Variants in PDZRN4 observed in about 807,000 individuals in gnomAD.
PDZRN4 encodes the protein PDZ domain-containing RING finger protein 4.
PDZRN4 carries 70 observed loss-of-function variants against 99.0 expected under a neutral mutation model. The ratio of observed to expected loss-of-function variants is 0.71; its 90% CI spans 0.58 to 0.86. The LOEUF (loss-of-function observed/expected upper bound fraction) is 0.86, where lower values mean the gene tolerates loss of function less well. Among genes scored for constraint, PDZRN4 ranks in the 40% least tolerant of loss-of-function variants. The probability of loss-of-function intolerance (pLI) is 0.00; values close to 1 mark genes in which losing one functional copy is unlikely to be tolerated. For missense variants in PDZRN4, 1,474 were observed against 1,331.2 expected (o/e 1.11, Z -1.67); for synonymous variants, 551 against 501.6 (o/e 1.10, Z -1.32).
intron 5 of PDZRN4, among the ~76,000 whole-genome samples, chr12:41,548,769 A>T (rs1303274961): frequency 6.6e-6 from 1 of 152,036 alleles, no homozygotes; most frequent in Non-Finnish European, 1.5e-5. Context: ...TAAGTTTCTC[A>T]TTTCTCCCTA....
intron 3 of PDZRN4, among the ~76,000 whole-genome samples, chr12:41,478,386 A>G (rs2199028): frequency 0.54 from 81,811 of 151,928 alleles, 22,876 homozygotes; most frequent in African/African-American, 0.71. Flanking sequence ...AAAGTGCTGG[A>G]ATTACAAGCA....
At chr12:41,327,453 GTATGCACCT>G (rs1468107741) in intron 3 of PDZRN4, among the ~76,000 whole-genome samples, 1 of 152,206 alleles carries the variant, frequency 6.6e-6, no homozygotes, top group Non-Finnish European at 1.5e-5. Context: ...CACTGCTAGA[GTATGCACCT>G]TGATTTCTGC....
At chr12:41,462,266 G>A (rs1056521461) in intron 3 of PDZRN4, among the ~76,000 whole-genome samples, 5 of 152,122 alleles carry the variant, frequency 3.3e-5, no homozygotes, top group Non-Finnish European at 7.4e-5. Context: ...TTTGTGGAAC[G>A]AAATTGTTAA....
At chr12:41,222,473 T>C (rs1340959519) in intron 3 of PDZRN4, among the ~76,000 whole-genome samples, 5 of 152,134 alleles carry the variant, frequency 3.3e-5, no homozygotes, top group African/African-American at 1.2e-4. Context: ...CTAAATTTCA[T>C]GAGGTTTCTC....
intron 3 of PDZRN4, among the ~76,000 whole-genome samples, chr12:41,384,279 G>A (rs775185230): frequency 2.0e-5 from 3 of 151,838 alleles, no homozygotes; most frequent in Non-Finnish European, 4.4e-5. Context: ...TTTTTTAAAG[G>A]CTATTTCTTC....
chr12:41,407,413 C>T (rs1952357919), intron 3 of PDZRN4, among the ~76,000 whole-genome samples: 1 of 152,148 alleles, frequency 6.6e-6, no homozygotes, highest in Non-Finnish European at 1.5e-5. Context: ...ACCATGGCAA[C>T]CCTGGCTGGA....
At chr12:41,561,293 C>T (rs1939264688) in intron 7 of PDZRN4, among the ~76,000 whole-genome samples, 1 of 152,006 alleles carries the variant, frequency 6.6e-6, no homozygotes, top group African/African-American at 2.4e-5. Flanking sequence ...CTTGTCTTTA[C>T]TAAGGATTAA....
chr12:41,262,027 G>A (rs1951243942), intron 3 of PDZRN4, among the ~76,000 whole-genome samples: 1 of 152,098 alleles, frequency 6.6e-6, no homozygotes, highest in African/African-American at 2.4e-5. Context: ...TTAAACTCTG[G>A]ACATTTGTCC....
At chr12:41,473,953 G>A (rs1354890972) in intron 3 of PDZRN4, among the ~76,000 whole-genome samples, 1 of 152,208 alleles carries the variant, frequency 6.6e-6, no homozygotes, top group Non-Finnish European at 1.5e-5. Context: ...GCCTTGAATG[G>A]AGATTTGAAC....
At chr12:41,440,740 T>G (rs1308195248) in intron 3 of PDZRN4, among the ~76,000 whole-genome samples, 2 of 152,192 alleles carry the variant, frequency 1.3e-5, no homozygotes, top group East Asian at 3.8e-4. Context: ...GCGGTTTCCA[T>G]GCATCTTTAT....
At chr12:41,538,856 T>C (rs1478464204) in intron 5 of PDZRN4, among the ~76,000 whole-genome samples, 2 of 152,022 alleles carry the variant, frequency 1.3e-5, no homozygotes, top group Non-Finnish European at 2.9e-5. Context: ...AATTATACTA[T>C]CTAGAATGAA....
At chr12:41,512,781 T>C (rs1225829555) in intron 5 of PDZRN4, among the ~76,000 whole-genome samples, 1 of 151,954 alleles carries the variant, frequency 6.6e-6, no homozygotes, top group Non-Finnish European at 1.5e-5. Context: ...TATGACATAA[T>C]CTAGGACAGC....
At position 41,427,046 on chromosome 12, in the gene PDZRN4, A is replaced by G. The variant is rs74078829; in HGVS notation, c.844-79410A>G. Reference sequence around the variant, plus strand: ...AAAGTATGGTGAATAGGAAGTTCTCAGCAAACATTTGCAGAACTTGGATGG... The same window carrying G: ...AAAGTATGGTGAATAGGAAGTTCTCGGCAAACATTTGCAGAACTTGGATGG... On this transcript the variant is annotated intron_variant, in intron 3 of 9. Coordinates refer to ENST00000402685, the MANE Select transcript of PDZRN4 (RefSeq NM_001164595.2). Among the ~76,000 whole-genome samples, 599 of 152,312 alleles carry G rather than the reference A, an allele frequency of 3.9e-3. 2 individuals carry two copies. Among genetic ancestry groups the G allele is most frequent in the African/African-American group, 0.014 (581 of 41,568 alleles).
chr12:41,225,385 G>A (rs989777941), intron 3 of PDZRN4, among the ~76,000 whole-genome samples: 2 of 150,708 alleles, frequency 1.3e-5, no homozygotes, highest in African/African-American at 2.4e-5. Context: ...ATGATGTAAT[G>A]TATTTTATCA....
intron 3 of PDZRN4, among the ~76,000 whole-genome samples, chr12:41,208,149 T>G (rs1950863666): frequency 6.6e-6 from 1 of 151,934 alleles, no homozygotes; most frequent in South Asian, 2.1e-4. Context: ...CTACTGCTTC[T>G]ATTCCCAGGA....
intron 3 of PDZRN4, among the ~76,000 whole-genome samples, chr12:41,223,765 G>C (rs1167187387): frequency 1.3e-5 from 2 of 152,154 alleles, no homozygotes; most frequent in Admixed American, 1.3e-4. Context: ...TTTTCTCTGT[G>C]GAATGGCACT....
At chr12:41,397,362 T>C (rs910549729) in intron 3 of PDZRN4, among the ~76,000 whole-genome samples, 3 of 152,210 alleles carry the variant, frequency 2.0e-5, no homozygotes, top group Non-Finnish European at 4.4e-5. Flanking sequence ...AACAAAGGAT[T>C]CTTGCTTTGC....
At chr12:41,226,060 G>A (rs145200305) in intron 3 of PDZRN4, among the ~76,000 whole-genome samples, 280 of 151,970 alleles carry the variant, frequency 1.8e-3, no homozygotes, top group Non-Finnish European at 2.9e-3. Flanking sequence ...GTCTTGAAAG[G>A]TTCGTACTGA....
intron 3 of PDZRN4, among the ~76,000 whole-genome samples, chr12:41,335,423 T>A (rs1412972197): frequency 6.6e-6 from 1 of 152,016 alleles, no homozygotes; most frequent in African/African-American, 2.4e-5. Flanking sequence ...ACATCACAAA[T>A]GTTGTACTTT....
Sources: allele counts gnomAD v4.1 joint callset (sites outside exome capture counted in the v4.1 genomes callset), GRCh38; gene constraint gnomAD v4.1.1; transcripts MANE v1.5; gene names NCBI Gene and HGNC (gene_info 2026-07-23, HGNC 2026-07-21).